ATP8A1: variants seen among roughly 807,000 people sequenced by gnomAD.
The protein encoded by ATP8A1 is ATPase phospholipid transporting 8A1, also known as phospholipid-transporting ATPase IA.
A neutral mutation model predicts 177.7 loss-of-function variants in ATP8A1; 90 were observed. The observed-to-expected ratio is 0.51, with a 90% CI of 0.43 to 0.60. The LOEUF is 0.60. Ranked by LOEUF, ATP8A1 falls within the 20% of genes least tolerant of loss-of-function variation. The pLI is 0.00. For missense variants in ATP8A1, 1,072 were observed against 1,392.8 expected (o/e 0.77, Z 3.67); for synonymous variants, 493 against 485.9 (o/e 1.01, Z -0.19).
At chr4:42,435,321 G>A (rs1261768891) in intron 33 of ATP8A1, among the ~76,000 whole-genome samples, 1 of 151,618 alleles carries the variant, frequency 6.6e-6, no homozygotes, top group Non-Finnish European at 1.5e-5. Flanking sequence ...AGCTACTCAG[G>A]AGGCTGAGGC....
intron 6 of ATP8A1, among the ~76,000 whole-genome samples, chr4:42,596,849 C>T (rs1388339562): frequency 6.6e-6 from 1 of 152,098 alleles, no homozygotes; most frequent in Non-Finnish European, 1.5e-5. Context: ...GCATACATCT[C>T]AAAAACCTGT....
Position 42,472,340 on chromosome 4 carries a change from G to A in ATP8A1, c.2325-7264C>T, listed in dbSNP as rs1270234785. ...TCTGGTGTCTATAAGCAGCTCACAG[G>A]CGAGGATGTTAATTTTGAATTCCCA... On this transcript the variant is annotated intron_variant, in intron 25 of 36. Transcript: ENST00000381668. 6.9e-6 allele frequency: 3 copies of A among 434,052 alleles called. No individual in the cohort carries two copies. The Admixed American group carries it at 7.7e-5, about 11-fold the overall frequency. The allele number at this position is 434,052 out of a possible 1,614,324, so 26.9% of individuals were successfully genotyped here.
intron 6 of ATP8A1, 117 bp from the exon 7 acceptor site, chr4:42,591,001 CAT>C (rs1312803220): frequency 3.3e-6 from 3 of 903,708 alleles, no homozygotes; most frequent in East Asian, 2.6e-5. Flanking sequence ...GAAAATAATA[CAT>C]GTTAATAAAA....
intron 22 of ATP8A1, among the ~76,000 whole-genome samples, chr4:42,513,419 T>C (rs1332786544): frequency 6.6e-6 from 1 of 152,194 alleles, no homozygotes; most frequent in Admixed American, 6.5e-5. Context: ...GAATGAGGTA[T>C]CATCTTAGTC....
At chr4:42,427,455 T>C (rs1035724165) in intron 33 of ATP8A1, among the ~76,000 whole-genome samples, 1 of 152,190 alleles carries the variant, frequency 6.6e-6, no homozygotes, top group African/African-American at 2.4e-5. Flanking sequence ...ACAAATTAGA[T>C]CAGATTTTAA....
intron 9 of ATP8A1, among the ~76,000 whole-genome samples, chr4:42,585,600 GA>G (rs1185255362): frequency 6.6e-6 from 1 of 150,580 alleles, no homozygotes; most frequent in African/African-American, 2.5e-5. Flanking sequence ...CCAGTTTCCA[GA>G]ACTGTGAGCA....
intron 4 of ATP8A1, among the ~76,000 whole-genome samples, chr4:42,621,161 AC>A (rs1353704255): frequency 6.6e-6 from 1 of 152,234 alleles, no homozygotes; most frequent in African/African-American, 2.4e-5. Flanking sequence ...AGTCTCTTAC[AC>A]TTCTCAGCTA....
chr4:42,459,303 G>A, intron 27 of ATP8A1: 1 of 171,014 alleles, frequency 5.8e-6, no homozygotes, highest in South Asian at 1.2e-4. Flanking sequence ...AGGGCATGAA[G>A]ATTGTTTTCA....
intron 22 of ATP8A1, among the ~76,000 whole-genome samples, chr4:42,520,917 G>A (rs1027309540): frequency 6.6e-6 from 1 of 152,036 alleles, no homozygotes; most frequent in East Asian, 1.9e-4. Flanking sequence ...CCAATATCTC[G>A]AGTTGCATAT....
chr4:42,413,568 C>A (rs1368411353), intron 36 of ATP8A1, among the ~76,000 whole-genome samples: 1 of 152,232 alleles, frequency 6.6e-6, no homozygotes, highest in Non-Finnish European at 1.5e-5. Context: ...ATATAACCTA[C>A]ACACATTCTC....
At chr4:42,610,881 C>T (rs28620563) in intron 5 of ATP8A1, among the ~76,000 whole-genome samples, 34,134 of 151,908 alleles carry the variant, frequency 0.22, 4,292 homozygotes, top group Non-Finnish European at 0.29. Flanking sequence ...TCAGGTCTAC[C>T]GAACAGAGCA....
Position 42,580,231 on chromosome 4 carries a change from C to G in ATP8A1, c.835-253G>C, listed in dbSNP as rs78540459. Among the ~76,000 whole-genome samples, 1,196 of 152,264 alleles carry G rather than the reference C, an allele frequency of 7.9e-3. 16 individuals are homozygous for G. The highest frequency in any genetic ancestry group is 0.027 in the African/African-American group (1,117 of 41,558). On this transcript the variant is annotated intron_variant, in intron 10 of 36. Transcript: ENST00000381668. ...AGAAAGAAGAGAACGAAATTACATT[C>G]CCTTTGCAAAAATAGCTTTTGCATT...
intron 25 of ATP8A1, among the ~76,000 whole-genome samples, chr4:42,468,430 T>C (rs894470342): frequency 8.0e-5 from 12 of 150,516 alleles, no homozygotes; most frequent in East Asian, 1.9e-4. Flanking sequence ...ATATATTTTA[T>C]ACACACACAC....
intron 1 of ATP8A1, among the ~76,000 whole-genome samples, chr4:42,632,943 T>C (rs1169658600): frequency 1.3e-5 from 2 of 152,210 alleles, no homozygotes; most frequent in African/African-American, 4.8e-5. Flanking sequence ...TAATATCTGC[T>C]GAGCAGCAGG....
Position 42,517,303 on chromosome 4 carries a change from A to C in ATP8A1, c.1947+4857T>G, listed in dbSNP as rs1021561014. Among the ~76,000 whole-genome samples, 262 of 152,246 alleles carry C rather than the reference A, an allele frequency of 1.7e-3. 1 individual carries two copies. The highest frequency in any genetic ancestry group is 2.7e-3 in the Admixed American group (42 of 15,294). ...TGAGACTCCGTCTCAAAAAAAAAAA[A>C]AAAAAACAAATTCTGATTTAAAAAA... On this transcript the variant is annotated intron_variant, in intron 22 of 36. Coordinates refer to ENST00000381668, the MANE Select transcript of ATP8A1 (RefSeq NM_006095.2).
chr4:42,526,173 C>T (rs1156778705), intron 20 of ATP8A1, among the ~76,000 whole-genome samples: 4 of 152,000 alleles, frequency 2.6e-5, no homozygotes, highest in Non-Finnish European at 5.9e-5. Flanking sequence ...AACATTCTAG[C>T]GGAAGACACT....
intron 33 of ATP8A1, among the ~76,000 whole-genome samples, chr4:42,435,037 G>T (rs1294226852): frequency 6.6e-6 from 1 of 152,196 alleles, no homozygotes; most frequent in Non-Finnish European, 1.5e-5. Flanking sequence ...TTTGGATGAT[G>T]CATGCTAGGG....
Position 42,491,518 on chromosome 4 carries a change from G to A in ATP8A1, c.2152-5850C>T, listed in dbSNP as rs547768008. 2.0e-3 allele frequency among the ~76,000 whole-genome samples: 302 copies of A among 152,170 alleles called. 2 individuals carry two copies. The highest frequency in any genetic ancestry group is 3.5e-3 in the Non-Finnish European group (241 of 68,008). On this transcript the variant is annotated intron_variant, in intron 24 of 36. Coordinates refer to ENST00000381668, the MANE Select transcript of ATP8A1 (RefSeq NM_006095.2). The stretch of plus-strand genomic sequence containing the variant: ...ATAAAAACCCTTGATAAAAAAACAG[G>A]CCTATATCATAAACGTGCAGTCATA...
chr4:42,605,541 C>T (rs911956449), intron 5 of ATP8A1, among the ~76,000 whole-genome samples: 13 of 152,160 alleles, frequency 8.5e-5, no homozygotes, highest in African/African-American at 2.2e-4. Flanking sequence ...CACTCAATAA[C>T]GGATAGTGGA....
Sources: gnomAD v4.1 joint callset for allele counts (sites outside exome capture counted in the v4.1 genomes callset) on GRCh38, gnomAD v4.1.1 for gene constraint, MANE v1.5 for transcripts, NCBI Gene and HGNC (gene_info 2026-07-23, HGNC 2026-07-21) for gene names.